ZNF317: variants seen among roughly 807,000 people sequenced by gnomAD.
The protein encoded by ZNF317 is KRAB-containing zinc finger protein 317.
Under a neutral mutation model 23.4 loss-of-function variants are expected in ZNF317, and 17 were observed. The observed-to-expected ratio is 0.73, with a 90% CI of 0.50 to 1.09. The LOEUF (loss-of-function observed/expected upper bound fraction) is 1.09. ZNF317 is among the 50% of genes least tolerant of loss of function. ZNF317 has a pLI of 0.00. For missense variants in ZNF317, 679 were observed against 796.7 expected (o/e 0.85, Z 1.78); for synonymous variants, 317 against 314.9 (o/e 1.01, Z -0.07).
At position 9,156,634 on chromosome 19, in the gene ZNF317, C is replaced by G. The variant is rs1481248476; in HGVS notation, c.48C>G (p.Thr16=). 2 of 1,614,016 alleles carry G rather than the reference C, an allele frequency of 1.2e-6. No homozygotes were observed. Among genetic ancestry groups the G allele is most frequent in the African/African-American group, 2.7e-5 (2 of 74,924 alleles). The change falls in exon 3 of 7, where the codon ACC becomes ACG. Residue 16 remains threonine (T), a synonymous_variant. Coordinates refer to ENST00000247956, the MANE Select transcript of ZNF317 (RefSeq NM_020933.5). ...PTFATSTQDS[T]CLQDSEFPVS... ...CAGCCACGTCCACCCAGGATTCCAC[C>G]TGTCTCCAGGACTCAGAATTTCCTG...
At chr19:9,155,121 G>A (rs771169794) in intron 1 of ZNF317, among the ~76,000 whole-genome samples, 6 of 151,908 alleles carry the variant, frequency 3.9e-5, no homozygotes, top group Middle Eastern at 3.4e-3. Flanking sequence ...ATCTGAATAC[G>A]AATTCTTTTT....
chr19:9,161,370 C>A lies in ZNF317; in HGVS notation c.1725C>A (p.Ser575Arg). The change falls in exon 7 of 7, where the codon AGC becomes AGA. Residue 575 changes from serine (S) to arginine (R), a missense_variant. Coordinates refer to ENST00000247956, the MANE Select transcript of ZNF317 (RefSeq NM_020933.5). The surrounding 1 kb of genome is among the most constrained non-coding windows in gnomAD (Gnocchi z 4.0). ...KAFSDHSSLR[S>R]HVKTHRGEKL... ...TCAGCGACCACTCATCCCTCAGGAG[C>A]CACGTGAAAACTCACCGGGGAGAGA... 6.2e-7 allele frequency: 1 copy of A among 1,614,170 alleles called. No individual in the cohort carries two copies. Among genetic ancestry groups the A allele is most frequent in the Non-Finnish European group, 8.5e-7 (1 of 1,180,022 alleles).
At chr19:9,140,674 G>T (rs1485927397) in intron 1 of ZNF317, 82 bp downstream of exon 1, 1 of 417,520 alleles carries the variant, frequency 2.4e-6, no homozygotes, top group East Asian at 7.9e-5. Flanking sequence ...GACTAAGAGG[G>T]TACGAGGGTC....
In ZNF317 at chr19:9,161,207, T is replaced by C. The variant is rs774533817; in HGVS notation, c.1562T>C (p.Met521Thr). ...FRNQSTLKTHMRSHTGEKPYE... is the reference protein window; with the variant it reads ...FRNQSTLKTHTRSHTGEKPYE... ...AACCAGTCAACGCTGAAGACGCACA[T>C]GCGAAGCCACACGGGGGAGAAACCG... The change falls in exon 7 of 7, where the codon ATG (methionine) becomes ACG (threonine). Residue 521 changes from methionine to threonine, a missense_variant. Coordinates refer to ENST00000247956, the MANE Select transcript of ZNF317 (RefSeq NM_020933.5). This position sits in a 1 kb window ranked among gnomAD's most constrained non-coding sequence, Gnocchi z 4.0. 3.7e-6 allele frequency: 6 copies of C among 1,614,150 alleles called. No homozygotes were observed. Among genetic ancestry groups the C allele is most frequent in the South Asian group, 1.1e-5 (1 of 91,092 alleles).
At chr19:9,154,972 GT>G (rs1381679000) in intron 1 of ZNF317, among the ~76,000 whole-genome samples, 1 of 152,094 alleles carries the variant, frequency 6.6e-6, no homozygotes, top group East Asian at 1.9e-4. Flanking sequence ...ATTCTTACTG[GT>G]TTTGTGAAAT....
rs570059927 is a variant in ZNF317 at position 9,147,665 on chromosome 19, A to G, written c.-93+7073A>G. Among the ~76,000 whole-genome samples the G allele has an allele frequency of 2.0e-5, 3 of 152,224 alleles. No individual in the cohort carries two copies. The East Asian group carries it at 5.8e-4, about 29-fold the overall frequency. ...CCTGGTTTTGTTTCATGTATCATGTAGAAACGGGGCAGAACGTCTCTGAGT... is the reference window on the plus strand; with the variant it reads ...CCTGGTTTTGTTTCATGTATCATGTGGAAACGGGGCAGAACGTCTCTGAGT... On this transcript the variant is annotated intron_variant, in intron 1 of 6. Coordinates refer to ENST00000247956, the MANE Select transcript of ZNF317 (RefSeq NM_020933.5).
chr19:9,142,750 T>C (rs1283573488), intron 1 of ZNF317, among the ~76,000 whole-genome samples: 2 of 152,176 alleles, frequency 1.3e-5, no homozygotes, highest in African/African-American at 2.4e-5. Flanking sequence ...ATTAAACCAA[T>C]TGATTTTCTC....
intron 1 of ZNF317, among the ~76,000 whole-genome samples, chr19:9,151,171 T>G (rs1302893539): frequency 6.6e-6 from 1 of 152,082 alleles, no homozygotes; most frequent in South Asian, 2.1e-4. Flanking sequence ...TCTGTCACCC[T>G]CTCTCCCCTT....
At position 9,160,574 on chromosome 19, in the gene ZNF317, A is replaced by G. The variant is rs1263293810; in HGVS notation, c.929A>G (p.Gln310Arg). 1.2e-6 allele frequency: 2 copies of G among 1,614,094 alleles called. No homozygotes were observed. The highest frequency in any genetic ancestry group is 1.7e-6 in the Non-Finnish European group (2 of 1,180,044). ...HTGERPYKCD[Q>R]CGKAYGRSCH... Reference sequence around the variant, plus strand: ...GGCGAGAGGCCTTACAAGTGTGATCAGTGCGGGAAGGCTTACGGCCGGAGC... The same window carrying G: ...GGCGAGAGGCCTTACAAGTGTGATCGGTGCGGGAAGGCTTACGGCCGGAGC... The change falls in exon 7 of 7, where the codon CAG becomes CGG. Residue 310 changes from glutamine (Q) to arginine (R), a missense_variant. Gln to Arg is a conservative substitution (Grantham distance 43). Coordinates refer to ENST00000247956, the MANE Select transcript of ZNF317 (RefSeq NM_020933.5). The surrounding 1 kb of genome is among the most constrained non-coding windows in gnomAD (Gnocchi z 6.8).
chr19:9,140,496 C>T lies in ZNF317; in HGVS notation c.-189C>T, dbSNP rs1485444620. ...TTCTTTCGGCCTGTTGGGGACCCCT[C>T]GTGTCCCCACGCCAGACTGGACCTC... On this transcript the variant is annotated 5_prime_UTR_variant, in exon 1 of 7. Transcript: ENST00000247956. 4.4e-6 allele frequency: 2 copies of T among 456,594 alleles called. No homozygotes were observed. The highest frequency in any genetic ancestry group is 3.1e-5 in the South Asian group (2 of 64,540). The allele number at this position is 456,594 out of a possible 1,614,324, so 28.3% of individuals were successfully genotyped here. A position where few individuals can be genotyped will look rare whatever the true frequency, so the allele number is the denominator to read the frequency against.
chr19:9,160,654 C>T lies in ZNF317; in HGVS notation c.1009C>T (p.His337Tyr), dbSNP rs1396179939. 6.2e-7 allele frequency: 1 copy of T among 1,614,062 alleles called. No homozygotes were observed. The highest frequency in any genetic ancestry group is 8.5e-7 in the Non-Finnish European group (1 of 1,180,024). ...CACCGGAGAGAGGCCCTACGAGTGT[C>T]ACGACTGTGGGAAAGCTTTCCAGCA... is the stretch of plus-strand genomic sequence containing the variant. Reference protein sequence around the residue: ...THTGERPYECHDCGKAFQHPS... With the variant: ...THTGERPYECYDCGKAFQHPS... Residue 337 changes from histidine to tyrosine, a missense_variant, in exon 7 of 7, where the codon CAC becomes TAC. Physicochemically the swap from His to Tyr is moderately conservative, Grantham distance 83 (BLOSUM62 2). Transcript: ENST00000247956. The surrounding 1 kb of genome is among the most constrained non-coding windows in gnomAD (Gnocchi z 6.8).
intron 1 of ZNF317, among the ~76,000 whole-genome samples, chr19:9,151,221 G>A (rs1234154573): frequency 6.6e-6 from 1 of 152,160 alleles, no homozygotes; most frequent in Non-Finnish European, 1.5e-5. Flanking sequence ...AAGGCACAAT[G>A]ACTAGAAAAG....
intron 1 of ZNF317, among the ~76,000 whole-genome samples, chr19:9,146,355 G>A (rs2050682955): frequency 6.6e-6 from 1 of 150,626 alleles, no homozygotes; most frequent in Non-Finnish European, 1.5e-5. Flanking sequence ...GGCATATGAT[G>A]TTCTCACAAC....
intron 5 of ZNF317, 84 bp from the exon 6 acceptor site, chr19:9,158,742 C>A: frequency 1.1e-6 from 1 of 915,452 alleles, no homozygotes; most frequent in Non-Finnish European, 1.8e-6. Context: ...GCCTTAGGAT[C>A]TGCCAAGAAA....
chr19:9,146,313 A>G (rs1201681800), intron 1 of ZNF317, among the ~76,000 whole-genome samples: 2 of 151,782 alleles, frequency 1.3e-5, no homozygotes, highest in Non-Finnish European at 1.5e-5. Flanking sequence ...ATATTGATTT[A>G]CTAATGTAAT....
chr19:9,160,783 C>A lies in ZNF317; in HGVS notation c.1138C>A (p.His380Asn). Residue 380 changes from histidine to asparagine, a missense_variant, in exon 7 of 7, where the codon CAC becomes AAC. Transcript: ENST00000247956. This position sits in a 1 kb window ranked among gnomAD's most constrained non-coding sequence, Gnocchi z 6.8. The stretch of plus-strand genomic sequence containing the variant: ...CCGCTGGAAGTCCAACTTTAATTTG[C>A]ACAAGAAGAACCACATGGTGGAGAA... ...AFRWKSNFNL[H>N]KKNHMVEKTY... 6.2e-7 allele frequency: 1 copy of A among 1,614,086 alleles called. No homozygotes were observed. The highest frequency in any genetic ancestry group is 8.5e-7 in the Non-Finnish European group (1 of 1,180,016).
chr19:9,141,151 GTTATAC>G (rs2050626196), intron 1 of ZNF317, among the ~76,000 whole-genome samples: 1 of 152,064 alleles, frequency 6.6e-6, no homozygotes, highest in Non-Finnish European at 1.5e-5. Flanking sequence ...AGTTAGTCCA[GTTATAC>G]TTATCGTGAT....
chr19:9,152,064 G>A (rs1172379688), intron 1 of ZNF317, among the ~76,000 whole-genome samples: 1 of 151,940 alleles, frequency 6.6e-6, no homozygotes, highest in African/African-American at 2.4e-5. Context: ...TCATCACCAC[G>A]CCTGGCTAAT....
intron 6 of ZNF317, 149 bp downstream of exon 6, chr19:9,159,057 A>G: frequency 1.6e-6 from 1 of 623,774 alleles, no homozygotes; most frequent in East Asian, 2.7e-5. Context: ...ACCAAGATGG[A>G]GACAACCCTA....
Sources: gnomAD v4.1 joint callset for allele counts (sites outside exome capture counted in the v4.1 genomes callset) on GRCh38, gnomAD v4.1.1 for gene constraint, Gnocchi (gnomAD v3.1) non-coding constraint, MANE v1.5 for transcripts, NCBI Gene and HGNC (gene_info 2026-07-23, HGNC 2026-07-21) for gene names.